CLIP2: variants seen among roughly 807,000 people sequenced by gnomAD.
CLIP2 encodes the protein CAP-Gly domain containing linker protein 2.
A neutral mutation model predicts 111.7 loss-of-function variants in CLIP2; 41 were observed. The ratio of observed to expected loss-of-function variants is 0.37; its 90% CI spans 0.29 to 0.48. The LOEUF (loss-of-function observed/expected upper bound fraction) is 0.48. Ranked by LOEUF, CLIP2 falls within the 20% of genes least tolerant of loss-of-function variation. The pLI is 0.99. For synonymous variants in CLIP2, 660 were observed against 644.2 expected, an observed-to-expected ratio of 1.02 and a Z score of -0.37; for missense variants, 1,160 against 1,422.1, an observed-to-expected ratio of 0.82 and a Z score of 2.96.
chr7:74,369,090 C>G (rs1280327915), intron 8 of CLIP2, among the ~76,000 whole-genome samples: 1 of 152,194 alleles, frequency 6.6e-6, no homozygotes, highest in Non-Finnish European at 1.5e-5. Context: ...GTGGCTCACG[C>G]CTATAATCCC....
At chr7:74,307,744 G>A (rs961342754) in intron 1 of CLIP2, among the ~76,000 whole-genome samples, 8 of 152,170 alleles carry the variant, frequency 5.3e-5, no homozygotes, top group African/African-American at 1.9e-4. Flanking sequence ...GCCCGCCTCA[G>A]CCTCCCAAAG....
chr7:74,390,747 G>GT (rs1562727284), intron 13 of CLIP2, among the ~76,000 whole-genome samples: 2 of 108,650 alleles, frequency 1.8e-5, no homozygotes, highest in African/African-American at 8.2e-5. Flanking sequence ...TTCTGGCGGG[G>GT]TGGGGGGGGT....
rs1554308514 is a variant in CLIP2 at position 74,356,566 on chromosome 7, C to T, written c.960C>T (p.Ile320=). ...ALTHSPSSSS[I]SSVSSVASSV... is the part of the protein sequence containing the mutation. ...CCCACAGTCCCAGCAGTTCCTCCAT[C>T]AGCTCCGTCAGCTCTGTGGCCTCCT... is the stretch of plus-strand genomic sequence containing the variant. The change falls in exon 5 of 17, where the codon ATC becomes ATT. Residue 320 remains isoleucine, a synonymous_variant. Coordinates refer to ENST00000223398, the MANE Select transcript of CLIP2 (RefSeq NM_003388.5). 1.2e-6 allele frequency: 2 copies of T among 1,614,222 alleles called. No individual in the cohort carries two copies. Among genetic ancestry groups the T allele is most frequent in the Admixed American group, 3.3e-5 (2 of 60,014 alleles).
intron 8 of CLIP2, among the ~76,000 whole-genome samples, chr7:74,365,791 G>A (rs554222135): frequency 5.9e-5 from 9 of 152,054 alleles, no homozygotes; most frequent in African/African-American, 2.2e-4. Context: ...ATCTCACTCT[G>A]TTGCCCAGGC....
intron 1 of CLIP2, among the ~76,000 whole-genome samples, chr7:74,309,478 GT>G (rs1339373823): frequency 2.6e-5 from 4 of 152,118 alleles, no homozygotes; most frequent in African/African-American, 9.7e-5. Flanking sequence ...TGCATTCTGT[GT>G]ATACGGTTTT....
chr7:74,366,394 C>A (rs114738853), intron 8 of CLIP2, among the ~76,000 whole-genome samples: 79 of 152,308 alleles, frequency 5.2e-4, no homozygotes, highest in African/African-American at 1.8e-3. Flanking sequence ...GCCTCCATGC[C>A]CTGGAATGAG....
At chr7:74,313,664 CT>C (rs1788699023) in intron 1 of CLIP2, among the ~76,000 whole-genome samples, 1 of 151,526 alleles carries the variant, frequency 6.6e-6, no homozygotes, top group South Asian at 2.1e-4. Context: ...GCACCGTTCC[CT>C]GGCAGGCTCT....
At chr7:74,399,881 G>A (rs1417477699) in intron 14 of CLIP2, among the ~76,000 whole-genome samples, 2 of 151,324 alleles carry the variant, frequency 1.3e-5, no homozygotes, top group South Asian at 2.1e-4. Flanking sequence ...AAGGCTGGGC[G>A]CAGTGGCTCA....
chr7:74,371,810 G>A (rs1790634569), intron 8 of CLIP2, among the ~76,000 whole-genome samples: 2 of 151,994 alleles, frequency 1.3e-5, no homozygotes, highest in South Asian at 4.1e-4. Context: ...GTTCCTTAAG[G>A]AAAATTCAAG....
chr7:74,361,339 T>C (rs1221390984), intron 7 of CLIP2, among the ~76,000 whole-genome samples: 2 of 151,530 alleles, frequency 1.3e-5, no homozygotes, highest in Non-Finnish European at 2.9e-5. Context: ...TCCCTCAGCC[T>C]CCCGAGTAGC....
At chr7:74,365,050 T>A (rs907883947) in intron 8 of CLIP2, among the ~76,000 whole-genome samples, 184 of 110,486 alleles carry the variant, frequency 1.7e-3, no homozygotes, top group Non-Finnish European at 1.9e-3. Flanking sequence ...TGTGTGTGTG[T>A]GACTGTCTCA....
intron 2 of CLIP2, among the ~76,000 whole-genome samples, chr7:74,335,700 TC>T (rs1789432200): frequency 6.6e-6 from 1 of 151,040 alleles, no homozygotes; most frequent in Non-Finnish European, 1.5e-5. Context: ...TCTCTTTTTT[TC>T]TTTCTTTTTT....
chr7:74,310,340 C>T (rs578130015), intron 1 of CLIP2, among the ~76,000 whole-genome samples: 4 of 152,020 alleles, frequency 2.6e-5, no homozygotes, highest in East Asian at 3.9e-4. Flanking sequence ...GCTTTGGCAA[C>T]ATAGTGAGAC....
chr7:74,349,526 A>C lies in CLIP2; in HGVS notation c.679-4354A>C, dbSNP rs1245801463. 5.6e-5 allele frequency among the ~76,000 whole-genome samples: 8 copies of C among 143,146 alleles called. No homozygotes were observed. In the East Asian group the frequency reaches 8.3e-4, roughly 15 times the overall value. The allele number at this position is 143,146 out of a possible 152,430, so 93.9% of individuals were successfully genotyped here. ...TATATATATATGTAAATAAAAATTAAAAATCAGTGGGGTAGTGATACCTGC... is the reference window on the plus strand; with the variant it reads ...TATATATATATGTAAATAAAAATTACAAATCAGTGGGGTAGTGATACCTGC... On this transcript the variant is annotated intron_variant, in intron 3 of 16. Coordinates refer to ENST00000223398, the MANE Select transcript of CLIP2 (RefSeq NM_003388.5).
intron 1 of CLIP2, among the ~76,000 whole-genome samples, chr7:74,306,679 A>C (rs229886): frequency 0.6 from 91,469 of 151,948 alleles, 30,071 homozygotes; most frequent in Non-Finnish European, 0.74. Context: ...CAAAAGGGGG[A>C]CTGTTGGTCT....
At chr7:74,339,995 G>A (rs781973971) in intron 3 of CLIP2, among the ~76,000 whole-genome samples, 3 of 152,162 alleles carry the variant, frequency 2.0e-5, no homozygotes, top group Non-Finnish European at 4.4e-5. Flanking sequence ...TCAGGAGGCT[G>A]TGGTGGGAGG....
intron 3 of CLIP2, among the ~76,000 whole-genome samples, chr7:74,347,579 A>G (rs1789838189): frequency 1.3e-5 from 2 of 151,896 alleles, no homozygotes; most frequent in African/African-American, 2.4e-5. Context: ...AACGCGCTGT[A>G]CTCTAAGTCC....
chr7:74,313,709 C>T (rs1788700270), intron 1 of CLIP2, among the ~76,000 whole-genome samples: 2 of 152,026 alleles, frequency 1.3e-5, no homozygotes, highest in Non-Finnish European at 2.9e-5. Context: ...CCTGCAGCTT[C>T]TGGCTTCCAT....
At chr7:74,312,204 G>A (rs782556195) in intron 1 of CLIP2, among the ~76,000 whole-genome samples, 4 of 152,128 alleles carry the variant, frequency 2.6e-5, no homozygotes, top group African/African-American at 9.7e-5. Flanking sequence ...AGCTGAGATT[G>A]CACCACCTGG....
Sources: allele counts gnomAD v4.1 joint callset (sites outside exome capture counted in the v4.1 genomes callset), GRCh38; gene constraint gnomAD v4.1.1; transcripts MANE v1.5; gene names NCBI Gene and HGNC (gene_info 2026-07-23, HGNC 2026-07-21).